DECR2: variants seen among roughly 807,000 people sequenced by gnomAD.
DECR2 encodes peroxisomal 2,4-dienoyl-CoA reductase [(3E)-enoyl-CoA-producing].
Under a neutral mutation model 29.2 loss-of-function variants are expected in DECR2, and 34 were observed. That is an observed-to-expected ratio of 1.16 (90% CI 0.89 to 1.55). The LOEUF is 1.55. Ranked by LOEUF, DECR2 falls within the 40% of genes most tolerant of loss-of-function variation. The pLI is 0.00. For synonymous variants in DECR2, 224 were observed against 182.7 expected, an observed-to-expected ratio of 1.23 and a Z score of -1.82; for missense variants, 485 against 425.3, an observed-to-expected ratio of 1.14 and a Z score of -1.23.
intron 4 of DECR2, 143 bp downstream of exon 4, chr16:407,703 C>G: frequency 7.4e-7 from 1 of 1,355,432 alleles, no homozygotes; most frequent in Non-Finnish European, 1.0e-6. Context: ...CATCCAGGTA[C>G]CTGAGGCCAA....
At chr16:409,319 T>C (rs8051863) in intron 4 of DECR2, among the ~76,000 whole-genome samples, 5,709 of 152,016 alleles carry the variant, frequency 0.038, 400 homozygotes, top group African/African-American at 0.13. Flanking sequence ...TACAGGTGCC[T>C]GCCACCACGC....
chr16:406,377 A>C lies in DECR2; in HGVS notation c.181A>C (p.Ser61Arg), dbSNP rs374882848. 1.2e-6 allele frequency: 2 copies of C among 1,607,722 alleles called. No individual in the cohort carries two copies. Among genetic ancestry groups the C allele is most frequent in the African/African-American group, 2.7e-5 (2 of 74,890 alleles). The change falls in exon 3 of 9, where the codon AGC becomes CGC. Residue 61 changes from serine (S) to arginine (R), a missense_variant. Ser to Arg is a moderately radical substitution (Grantham distance 110). Transcript: ENST00000219481. ...HGCHTVIASRSLPRVLTAARK... is the reference protein window; with the variant it reads ...HGCHTVIASRRLPRVLTAARK... ...CTGCCATACGGTGATTGCCAGTAGG[A>C]GCCTGCCGCGAGTGCTGACGGTGAG...
Position 407,900 on chromosome 16 carries a change from CG to C in DECR2, c.337+343del, listed in dbSNP as rs1394641432. Among the ~76,000 whole-genome samples the C allele has an allele frequency of 2.2e-5, 3 of 138,568 alleles. No individual in the cohort carries two copies. In the Admixed American group the frequency reaches 2.2e-4, roughly 10 times the overall value. 90.9% of individuals were successfully genotyped at this position (138,568 alleles called of 152,430 possible). A position where few individuals can be genotyped will look rare whatever the true frequency, so the allele number is the denominator to read the frequency against. The stretch of plus-strand genomic sequence containing the variant: ...GGCCCCATCTCCGGCCCCCTGTCTC[CG>C]GGCCTCTGTCTCCGGCCCCATCTCC... On this transcript the variant is annotated intron_variant, in intron 4 of 8. Transcript: ENST00000219481.
In DECR2 at chr16:410,143, G is replaced by T; in HGVS notation, c.338-100G>T. Reference sequence around the variant, plus strand: ...CTCCTCCCTGTGCCACAGGGCACCTGGGCTCCCTCCTGCACCCTCCGCTCT... The same window carrying T: ...CTCCTCCCTGTGCCACAGGGCACCTTGGCTCCCTCCTGCACCCTCCGCTCT... On this transcript the variant is annotated intron_variant, in intron 4 of 8. Coordinates refer to ENST00000219481, the MANE Select transcript of DECR2 (RefSeq NM_020664.4). This position sits in a 1 kb window ranked among gnomAD's most constrained non-coding sequence, Gnocchi z 4.1. The T allele has an allele frequency of 6.7e-7, 1 of 1,492,078 alleles. No homozygotes were observed. Among genetic ancestry groups the T allele is most frequent in the Non-Finnish European group, 9.0e-7 (1 of 1,111,316 alleles). 92.4% of individuals were successfully genotyped at this position (1,492,078 alleles called of 1,614,324 possible).
In DECR2 at chr16:402,046, G is replaced by T. The variant is rs1440813554; in HGVS notation, c.80+3G>T. 7.0e-7 allele frequency: 1 copy of T among 1,418,534 alleles called. No individual in the cohort carries two copies. The highest frequency in any genetic ancestry group is 2.0e-4 in the Middle Eastern group (1 of 5,048). The allele number at this position is 1,418,534 out of a possible 1,614,324, so 87.9% of individuals were successfully genotyped here. On this transcript the variant is annotated splice_donor_region_variant and intron_variant, in intron 1 of 8. Coordinates refer to ENST00000219481, the MANE Select transcript of DECR2 (RefSeq NM_020664.4). ...CTCTTCTGCCCGGACCTGCTGCGGT[G>T]AGCGGGGCCTGGGAAGCGAGCGCAG...
intron 4 of DECR2, chr16:409,558 A>T (rs1370447408): frequency 2.6e-5 from 4 of 152,174 alleles, no homozygotes; most frequent in African/African-American, 9.7e-5. Context: ...TTTCCCTGTT[A>T]ACATCTTGCG....
At chr16:409,676 G>C (rs1210228906) in intron 4 of DECR2, 2 of 152,594 alleles carry the variant, frequency 1.3e-5, no homozygotes, top group Non-Finnish European at 2.9e-5. Flanking sequence ...GACCTGTGTG[G>C]GTAAAACAAC....
chr16:403,890 T>C (rs1001768402), intron 1 of DECR2, among the ~76,000 whole-genome samples: 1 of 151,578 alleles, frequency 6.6e-6, no homozygotes, highest in South Asian at 2.1e-4. Flanking sequence ...AATAAATAAA[T>C]AGGCCCGGTG....
chr16:411,366 C>T lies in DECR2; in HGVS notation c.667C>T (p.Pro223Ser). The T allele has an allele frequency of 1.2e-6, 2 of 1,606,258 alleles. No homozygotes were observed. Among genetic ancestry groups the T allele is most frequent in the Non-Finnish European group, 1.7e-6 (2 of 1,178,870 alleles). Residue 223 changes from proline (P) to serine (S), a missense_variant, in exon 8 of 9, where the codon CCT becomes TCT. Coordinates refer to ENST00000219481, the MANE Select transcript of DECR2 (RefSeq NM_020664.4). ...GTEGLRRLGG[P>S]QASLSTKVTA... ...AGCCTTCTGCTGCCCTCCAGGTGGC[C>T]CTCAGGCCAGCCTGAGCACCAAGGT...
intron 1 of DECR2, 135 bp downstream of exon 1, chr16:402,178 T>G: frequency 2.8e-6 from 2 of 703,516 alleles, no homozygotes; most frequent in South Asian, 3.8e-5. Context: ...CTTTTTTCTT[T>G]CTTTTTTTTT....
At chr16:404,120 C>T (rs2054697776) in intron 1 of DECR2, among the ~76,000 whole-genome samples, 1 of 151,796 alleles carries the variant, frequency 6.6e-6, no homozygotes, top group Non-Finnish European at 1.5e-5. Flanking sequence ...TTGCAGTGAG[C>T]CTAGATCATG....
intron 1 of DECR2, 49 bp from the exon 2 acceptor site, chr16:404,907 G>C (rs1179191828): frequency 6.2e-7 from 1 of 1,605,518 alleles, no homozygotes. Context: ...GGAGCCACCG[G>C]CCCGGCCCAA....
At position 412,136 on chromosome 16, in the gene DECR2, G is replaced by A. The variant is rs2054825951; in HGVS notation, c.*247G>A. On this transcript the variant is annotated 3_prime_UTR_variant, in exon 9 of 9. Coordinates refer to ENST00000219481, the MANE Select transcript of DECR2 (RefSeq NM_020664.4). ...GAGGACCAGGTGCCACGCAGGTGGT[G>A]GGGGTACAGACAAGATGCTGGGATG... 8.4e-5 allele frequency: 13 copies of A among 154,268 alleles called. No individual in the cohort carries two copies. Among genetic ancestry groups the A allele is most frequent in the Admixed American group, 8.4e-4 (13 of 15,434 alleles). 9.6% of individuals were successfully genotyped at this position (154,268 alleles called of 1,614,324 possible).
chr16:406,008 C>G (rs1486513636), intron 2 of DECR2, among the ~76,000 whole-genome samples: 2 of 152,234 alleles, frequency 1.3e-5, no homozygotes, highest in Non-Finnish European at 2.9e-5. Context: ...CACGCCAGCC[C>G]CACAGGGAGA....
At chr16:408,682 A>AT (rs906282081) in intron 4 of DECR2, among the ~76,000 whole-genome samples, 1 of 151,258 alleles carries the variant, frequency 6.6e-6, no homozygotes, top group African/African-American at 2.4e-5. Context: ...TAATTTTTAT[A>AT]TTTTTTATTT....
rs570280733 is a variant in DECR2 at position 411,071 on chromosome 16, G to A, written c.656G>A (p.Arg219Gln). 160 of 1,537,452 alleles carry A rather than the reference G, an allele frequency of 1.0e-4. No individual in the cohort carries two copies. Among genetic ancestry groups the A allele is most frequent in the Admixed American group, 1.3e-4 (6 of 47,670 alleles). ...ATCAGTGGCACAGAGGGGCTCCGGC[G>A]ACTGGGTAAGGCTCTCAGGGAGCCC... ...GPISGTEGLRRLGGPQASLST... is the reference protein window; with the variant it reads ...GPISGTEGLRQLGGPQASLST... Residue 219 changes from arginine (R) to glutamine (Q), a missense_variant, in exon 7 of 9, where the codon CGA becomes CAA. By Grantham distance (43) the Arg-to-Gln change is conservative. Coordinates refer to ENST00000219481, the MANE Select transcript of DECR2 (RefSeq NM_020664.4).
At position 410,315 on chromosome 16, in the gene DECR2, A is replaced by C; in HGVS notation, c.410A>C (p.Asp137Ala). Reference sequence around the variant, plus strand: ...GCCTTCAAGACCGTGATGGACATCGATACCAGCGGCACCTTCAATGTGTCT... The same window carrying C: ...GCCTTCAAGACCGTGATGGACATCGCTACCAGCGGCACCTTCAATGTGTCT... ...FNAFKTVMDI[D>A]TSGTFNVSRV... is the part of the protein sequence containing the mutation. The change falls in exon 5 of 9, where the codon GAT becomes GCT. Residue 137 changes from aspartate to alanine, a missense_variant. Coordinates refer to ENST00000219481, the MANE Select transcript of DECR2 (RefSeq NM_020664.4). The surrounding 1 kb of genome is among the most constrained non-coding windows in gnomAD (Gnocchi z 4.1). 6.2e-7 allele frequency: 1 copy of C among 1,613,406 alleles called. No individual in the cohort carries two copies. The highest frequency in any genetic ancestry group is 8.5e-7 in the Non-Finnish European group (1 of 1,179,754).
chr16:402,385 C>G (rs1452315530), intron 1 of DECR2, among the ~76,000 whole-genome samples: 1 of 151,946 alleles, frequency 6.6e-6, no homozygotes, highest in Non-Finnish European at 1.5e-5. Flanking sequence ...CCACCCGCCT[C>G]GGCTTCCCAA....
At chr16:402,404 G>A (rs2054678252) in intron 1 of DECR2, among the ~76,000 whole-genome samples, 1 of 151,846 alleles carries the variant, frequency 6.6e-6, no homozygotes, top group Admixed American at 6.6e-5. Context: ...AAAGTGCTGG[G>A]ATTTACAGGC....
Sources: gnomAD v4.1 joint callset for allele counts (sites outside exome capture counted in the v4.1 genomes callset) on GRCh38, gnomAD v4.1.1 for gene constraint, Gnocchi (gnomAD v3.1) non-coding constraint, MANE v1.5 for transcripts, NCBI Gene and HGNC (gene_info 2026-07-23, HGNC 2026-07-21) for gene names.